Variants in DHX33 observed in about 807,000 individuals in gnomAD.
DHX33 encodes DEAH-box helicase 33.
A neutral mutation model predicts 72.5 loss-of-function variants in DHX33; 42 were observed. That is an observed-to-expected ratio of 0.58 (90% CI 0.45 to 0.75). The LOEUF (loss-of-function observed/expected upper bound fraction) is 0.75, where lower values mean the gene tolerates loss of function less well. DHX33 is among the 30% of genes least tolerant of loss of function. DHX33 has a pLI of 0.00. For synonymous variants in DHX33, 358 were observed against 366.1 expected (o/e 0.98, Z 0.25); for missense variants, 842 against 917.5 (o/e 0.92, Z 1.06).
chr17:5,457,115 T>C (rs1023977221), intron 4 of DHX33, among the ~76,000 whole-genome samples: 2 of 152,162 alleles, frequency 1.3e-5, no homozygotes, highest in Non-Finnish European at 2.9e-5. Context: ...GAGACCAGCT[T>C]GACCAACATG....
At chr17:5,445,170 C>G (rs536779330) in intron 11 of DHX33, among the ~76,000 whole-genome samples, 2 of 152,204 alleles carry the variant, frequency 1.3e-5, no homozygotes, top group East Asian at 3.9e-4. Context: ...CCTCCACCTC[C>G]CAGGTTCAAG....
At chr17:5,455,570 G>A (rs991502946) in intron 5 of DHX33, among the ~76,000 whole-genome samples, 15 of 152,194 alleles carry the variant, frequency 9.9e-5, no homozygotes, top group African/African-American at 3.4e-4. Flanking sequence ...GCGCCCCCTT[G>A]AGCAATTGTT....
intron 4 of DHX33, 71 bp downstream of exon 4, chr17:5,460,868 A>C: frequency 2.0e-6 from 3 of 1,513,622 alleles, no homozygotes; most frequent in Non-Finnish European, 2.7e-6. Context: ...TTTCTTTTCA[A>C]GGCTCAATGT....
At chr17:5,468,090 C>T (rs1904955941) in intron 1 of DHX33, among the ~76,000 whole-genome samples, 1 of 152,166 alleles carries the variant, frequency 6.6e-6, no homozygotes. Flanking sequence ...TCTCCTCTAA[C>T]ACGTTGGGGA....
At chr17:5,451,752 T>G (rs1248707352) in intron 8 of DHX33, among the ~76,000 whole-genome samples, 1 of 152,218 alleles carries the variant, frequency 6.6e-6, no homozygotes, top group Non-Finnish European at 1.5e-5. Context: ...TAAGGAGTGA[T>G]CTGTAAAATG....
intron 4 of DHX33, among the ~76,000 whole-genome samples, chr17:5,457,848 C>T (rs1446082735): frequency 5.3e-5 from 8 of 151,808 alleles, no homozygotes; most frequent in African/African-American, 1.9e-4. Flanking sequence ...CAGCAGCCAT[C>T]ATTCATGAAA....
At position 5,444,495 on chromosome 17, in the gene DHX33, A is replaced by T; in HGVS notation, c.1834T>A (p.Ser612Thr). The part of the protein sequence containing the change: ...ICLKMSMPIA[S>T]SRGDVESVRR... ...ACACTCTCCACGTCTCCTCGGGATG[A>T]TGCGATTGGCATTGACATCTGTTTC... Residue 612 changes from serine (S) to threonine (T), a missense_variant, in exon 12 of 12, where the codon TCA (serine) becomes ACA (threonine). By Grantham distance (58) the Ser-to-Thr change is moderately conservative. Coordinates refer to ENST00000225296, the MANE Select transcript of DHX33 (RefSeq NM_020162.4). This position sits in a 1 kb window ranked among gnomAD's most constrained non-coding sequence, Gnocchi z 4.9. 6.2e-7 allele frequency: 1 copy of T among 1,613,854 alleles called. No homozygotes were observed. Among genetic ancestry groups the T allele is most frequent in the Non-Finnish European group, 8.5e-7 (1 of 1,179,844 alleles).
intron 5 of DHX33, 137 bp downstream of exon 5, chr17:5,455,857 ACCT>A (rs759620911): frequency 4.5e-5 from 39 of 864,390 alleles, no homozygotes; most frequent in Non-Finnish European, 6.5e-5. Flanking sequence ...TTATTCCTGC[ACCT>A]CCTCAGTGCG....
intron 2 of DHX33, 41 bp from the exon 3 acceptor site, chr17:5,462,587 T>C (rs745499768): frequency 6.6e-7 from 1 of 1,522,396 alleles, no homozygotes; most frequent in South Asian, 1.1e-5. Flanking sequence ...AAACATTTCT[T>C]GAGCGCCCAC....
intron 6 of DHX33, among the ~76,000 whole-genome samples, 155 bp downstream of exon 6, chr17:5,455,005 C>T (rs1017338173): frequency 1.3e-5 from 2 of 152,172 alleles, no homozygotes; most frequent in African/African-American, 4.8e-5. Context: ...AGGACTCCTT[C>T]GCGGACCTGG....
intron 11 of DHX33, among the ~76,000 whole-genome samples, chr17:5,448,382 TTA>T (rs1475941829): frequency 1.3e-5 from 2 of 152,210 alleles, no homozygotes; most frequent in African/African-American, 4.8e-5. Flanking sequence ...TTAACAGTAG[TTA>T]TCTCTGGAGG....
Position 5,455,280 on chromosome 17 carries a change from A to C in DHX33, c.1036-9T>G, listed in dbSNP as rs745564984. On this transcript the variant is annotated splice_polypyrimidine_tract_variant and intron_variant, in intron 5 of 11. Transcript: ENST00000225296. ...ATCACTTTGCGATAGCCCTAAAAGG[A>C]GGAAGAAAACCAAAAAGCCGCATTG... The C allele has an allele frequency of 3.7e-6, 6 of 1,613,006 alleles. No individual in the cohort carries two copies. Among genetic ancestry groups the C allele is most frequent in the Non-Finnish European group, 4.2e-6 (5 of 1,179,074 alleles).
In DHX33 at chr17:5,440,973, C is replaced by T. The variant is rs1385818594; in HGVS notation, c.*3232G>A. 1.3e-5 allele frequency: 2 copies of T among 152,160 alleles called. No individual in the cohort carries two copies. Among genetic ancestry groups the T allele is most frequent in the Non-Finnish European group, 2.9e-5 (2 of 68,028 alleles). 9.4% of individuals were successfully genotyped at this position (152,160 alleles called of 1,614,324 possible). A position where few individuals can be genotyped will look rare whatever the true frequency, so the allele number is the denominator to read the frequency against. Reference sequence around the variant, plus strand: ...CGGGTGCAAATTTGAGCATTATTTACAAGAGCTTTCTGTAGAGTTATTTCT... The same window carrying T: ...CGGGTGCAAATTTGAGCATTATTTATAAGAGCTTTCTGTAGAGTTATTTCT... On this transcript the variant is annotated 3_prime_UTR_variant, in exon 12 of 12. Coordinates refer to ENST00000225296, the MANE Select transcript of DHX33 (RefSeq NM_020162.4).
At position 5,449,486 on chromosome 17, in the gene DHX33, G is replaced by A. The variant is rs181859097; in HGVS notation, c.1729-591C>T. 4.5e-3 allele frequency among the ~76,000 whole-genome samples: 682 copies of A among 152,268 alleles called. 5 individuals carry two copies. Among genetic ancestry groups the A allele is most frequent in the Non-Finnish European group, 7.3e-3 (499 of 68,016 alleles). ...GAGTCTCGCTCTGTCACCTAGGCTG[G>A]AGTGCAGTGGCACGATCTCGGCTCA... On this transcript the variant is annotated intron_variant, in intron 10 of 11. Coordinates refer to ENST00000225296, the MANE Select transcript of DHX33 (RefSeq NM_020162.4).
chr17:5,450,008 G>A (rs995253254), intron 10 of DHX33, among the ~76,000 whole-genome samples, 195 bp downstream of exon 10: 6 of 152,094 alleles, frequency 3.9e-5, no homozygotes, highest in Non-Finnish European at 7.4e-5. Context: ...AAACACATTC[G>A]GAACAGAGAC....
chr17:5,463,934 T>C (rs1195632988), intron 1 of DHX33, among the ~76,000 whole-genome samples: 2 of 151,952 alleles, frequency 1.3e-5, no homozygotes, highest in Non-Finnish European at 2.9e-5. Context: ...AGAAGGATCA[T>C]GAGGCCCAGG....
intron 6 of DHX33, 35 bp from the exon 7 acceptor site, chr17:5,454,015 A>C: frequency 6.2e-7 from 1 of 1,604,666 alleles, no homozygotes; most frequent in Non-Finnish European, 8.5e-7. Context: ...GTGCTTCATC[A>C]CATGAACAAA....
rs1916543733 is a variant in DHX33, at chr17:5,444,227, TTCCTCC to T, written c.2096_2101del (p.Arg699_Arg700del). The T allele has an allele frequency of 6.2e-7, 1 of 1,613,580 alleles. No individual in the cohort carries two copies. The highest frequency in any genetic ancestry group is 8.5e-7 in the Non-Finnish European group (1 of 1,179,614). On this transcript the variant is annotated inframe_deletion, in exon 12 of 12. Coordinates refer to ENST00000225296, the MANE Select transcript of DHX33 (RefSeq NM_020162.4). This position sits in a 1 kb window ranked among gnomAD's most constrained non-coding sequence, Gnocchi z 4.9. ...GGCTCAGTTTCTGGCGGTTCTCAGC[TTCCTCC>T]TAAAGTACTCAGGGGCAGCCTCGTA...
In DHX33 at chr17:5,460,967, G is replaced by A. The variant is rs770906517; in HGVS notation, c.821C>T (p.Ala274Val). The part of the protein sequence containing the change: ...KQPQNDYLHA[A>V]LVSVFQIHQE... ...GTGGATCTGGAAGACGGAGACAAGCGCGGCGTGCAGGTAATCATTCTGAGG... is the reference window on the plus strand; with the variant it reads ...GTGGATCTGGAAGACGGAGACAAGCACGGCGTGCAGGTAATCATTCTGAGG... Residue 274 changes from alanine to valine, a missense_variant, in exon 4 of 12, where the codon GCG becomes GTG. Physicochemically the swap from Ala to Val is moderately conservative, Grantham distance 64 (BLOSUM62 0). Coordinates refer to ENST00000225296, the MANE Select transcript of DHX33 (RefSeq NM_020162.4). 1.1e-5 allele frequency: 18 copies of A among 1,613,414 alleles called. No individual in the cohort carries two copies. The highest frequency in any genetic ancestry group is 2.2e-5 in the East Asian group (1 of 44,858).
Sources: gnomAD v4.1 joint callset for allele counts (sites outside exome capture counted in the v4.1 genomes callset) on GRCh38, gnomAD v4.1.1 for gene constraint, Gnocchi (gnomAD v3.1) non-coding constraint, MANE v1.5 for transcripts, NCBI Gene and HGNC (gene_info 2026-07-23, HGNC 2026-07-21) for gene names.